STAC: variants seen among roughly 807,000 people sequenced by gnomAD.
The protein encoded by STAC is SH3 and cysteine rich domain, also known as SH3 and cysteine-rich domain-containing protein.
A neutral mutation model predicts 48.8 loss-of-function variants in STAC; 43 were observed. The ratio of observed to expected loss-of-function variants is 0.88; its 90% confidence interval spans 0.69 to 1.14. STAC has a LOEUF of 1.14. Among genes scored for constraint, STAC ranks in the 50% most tolerant of loss-of-function variants. STAC has a pLI of 0.00. For synonymous variants in STAC, 193 were observed against 179.5 expected (o/e 1.07, Z -0.60); for missense variants, 497 against 504.0 (o/e 0.99, Z 0.13).
chr3:36,498,905 TA>T lies in STAC; in HGVS notation c.767-5484del, dbSNP rs1698217751. Among the ~76,000 whole-genome samples, 3 of 152,200 alleles carry T rather than the reference TA, an allele frequency of 2.0e-5. No individual in the cohort carries two copies. The South Asian group carries it at 6.2e-4, about 32-fold the overall frequency. On this transcript the variant is annotated intron_variant, in intron 6 of 10. Transcript: ENST00000273183. ...TGCTGAAACTGCAGAATTTCAAAGA[TA>T]AAAGAAAACATAAAATGCAGTATAA...
At chr3:36,503,775 C>A (rs1698333644) in intron 6 of STAC, among the ~76,000 whole-genome samples, 1 of 152,038 alleles carries the variant, frequency 6.6e-6, no homozygotes, top group South Asian at 2.1e-4. Flanking sequence ...TCAAAGGCTA[C>A]AGAGTGGATA....
At chr3:36,388,455 AT>A (rs1212497597) in intron 1 of STAC, among the ~76,000 whole-genome samples, 1 of 151,890 alleles carries the variant, frequency 6.6e-6, no homozygotes, top group East Asian at 1.9e-4. Flanking sequence ...ATTCTATTAC[AT>A]TTTCAATGTA....
At chr3:36,383,143 G>T (rs1309498199) in intron 1 of STAC, among the ~76,000 whole-genome samples, 5 of 152,236 alleles carry the variant, frequency 3.3e-5, no homozygotes, top group South Asian at 4.2e-4. Context: ...ATAAAACTTT[G>T]ATCTATATCT....
chr3:36,466,019 T>C (rs186604602), intron 2 of STAC, among the ~76,000 whole-genome samples: 29 of 152,292 alleles, frequency 1.9e-4, no homozygotes, highest in Admixed American at 7.8e-4. Flanking sequence ...ATCATAAATA[T>C]TTATGGTTTC....
chr3:36,397,533 AC>A (rs2125622339), intron 1 of STAC, among the ~76,000 whole-genome samples: 1 of 152,342 alleles, frequency 6.6e-6, no homozygotes, highest in Non-Finnish European at 1.5e-5. Flanking sequence ...GTTGCATGAG[AC>A]CAAAAAAATA....
chr3:36,464,745 C>T (rs1032804242), intron 2 of STAC, among the ~76,000 whole-genome samples: 7 of 151,998 alleles, frequency 4.6e-5, no homozygotes, highest in Admixed American at 3.9e-4. Flanking sequence ...CAATAGTCTC[C>T]GATTCCATCC....
chr3:36,490,532 G>A (rs967521709), intron 5 of STAC, among the ~76,000 whole-genome samples: 2 of 152,164 alleles, frequency 1.3e-5, no homozygotes, highest in African/African-American at 2.4e-5. Flanking sequence ...TTCCATGCTT[G>A]TGGGAGGCTG....
chr3:36,519,207 A>G (rs1698743590), intron 8 of STAC, among the ~76,000 whole-genome samples: 1 of 152,228 alleles, frequency 6.6e-6, no homozygotes. Flanking sequence ...GAGGTGGTGA[A>G]AATTCATGGC....
chr3:36,478,843 TAACTCCTGGCCTCA>T (rs1312225000), intron 2 of STAC, among the ~76,000 whole-genome samples: 1 of 152,140 alleles, frequency 6.6e-6, no homozygotes, highest in East Asian at 1.9e-4. Context: ...GACTGGTCTC[TAACTCCTGGCCTCA>T]AACTCCTGGC....
chr3:36,455,563 A>T (rs533265698), intron 2 of STAC, among the ~76,000 whole-genome samples: 75 of 152,340 alleles, frequency 4.9e-4, no homozygotes, highest in Admixed American at 1.3e-3. Context: ...CACAAAGAAG[A>T]TGGAGACCAG....
At chr3:36,542,793 C>A (rs1229275728) in intron 10 of STAC, among the ~76,000 whole-genome samples, 1 of 152,226 alleles carries the variant, frequency 6.6e-6, no homozygotes, top group Non-Finnish European at 1.5e-5. Flanking sequence ...TTGTTGATTT[C>A]TCAATAAATG....
intron 1 of STAC, among the ~76,000 whole-genome samples, chr3:36,398,596 G>A (rs2125624466): frequency 1.3e-5 from 1 of 76,024 alleles, no homozygotes; most frequent in Non-Finnish European, 2.4e-5. Flanking sequence ...AAGGAAGGAA[G>A]GAAGAAAGGA....
chr3:36,505,853 G>GA lies in STAC; in HGVS notation c.920+27dup, dbSNP rs781123039. 7.3e-5 allele frequency: 111 copies of GA among 1,523,170 alleles called. No individual in the cohort carries two copies. The highest frequency in any genetic ancestry group is 6.6e-4 in the African/African-American group (47 of 71,374). The allele number at this position is 1,523,170 out of a possible 1,614,324, so 94.4% of individuals were successfully genotyped here. A position where few individuals can be genotyped will look rare whatever the true frequency, so the allele number is the denominator to read the frequency against. ...AAATGAGGTAAAAACCTTCTGTAAA[G>GA]AAAAAAAAGAGTAAAATTTTAAAGT... On this transcript the variant is annotated intron_variant, in intron 8 of 10. Coordinates refer to ENST00000273183, the MANE Select transcript of STAC (RefSeq NM_003149.3).
Position 36,528,724 on chromosome 3 carries a change from G to A in STAC, c.949G>A (p.Asp317Asn), listed in dbSNP as rs1031736053. 8 of 1,604,932 alleles carry A rather than the reference G, an allele frequency of 5.0e-6. No individual in the cohort carries two copies. The African/African-American group carries it at 5.4e-5, about 11-fold the overall frequency. Residue 317 changes from aspartate to asparagine, a missense_variant, in exon 9 of 11, where the codon GAT becomes AAT. Coordinates refer to ENST00000273183, the MANE Select transcript of STAC (RefSeq NM_003149.3). ...RPGDIITLLE[D>N]SNEDWWKGKI... ...AGGAGACATAATTACTCTTTTAGAG[G>A]ATTCCAATGAAGACTGGTGGAAAGT...
Position 36,443,967 on chromosome 3 carries a change from G to A in STAC, c.388+327G>A, listed in dbSNP as rs1163718395. 6.6e-6 allele frequency among the ~76,000 whole-genome samples: 1 copy of A among 152,106 alleles called. No homozygotes were observed. Among genetic ancestry groups the A allele is most frequent in the Non-Finnish European group, 1.5e-5 (1 of 68,030 alleles). ...CCTGCATCAGCCTGTCACTGTATAT[G>A]GGCAACAAGTGAGACCTGGAATGCT... On this transcript the variant is annotated intron_variant, in intron 2 of 10. Transcript: ENST00000273183. The surrounding 1 kb of genome is among the most constrained non-coding windows in gnomAD (Gnocchi z 4.2).
chr3:36,481,353 A>G (rs1343109553), intron 2 of STAC, among the ~76,000 whole-genome samples: 1 of 152,194 alleles, frequency 6.6e-6, no homozygotes, highest in Non-Finnish European at 1.5e-5. Context: ...CAAGAAATAG[A>G]GATGATTTGA....
At chr3:36,409,325 C>T (rs184415363) in intron 1 of STAC, among the ~76,000 whole-genome samples, 2 of 152,208 alleles carry the variant, frequency 1.3e-5, no homozygotes, top group East Asian at 3.9e-4. Context: ...CAGAGTAGTC[C>T]AAATCAGAAT....
intron 3 of STAC, among the ~76,000 whole-genome samples, chr3:36,483,709 T>C (rs1054888064): frequency 1.3e-5 from 2 of 152,246 alleles, no homozygotes; most frequent in Non-Finnish European, 2.9e-5. Flanking sequence ...TCCCAACACT[T>C]TGGACACCAA....
At chr3:36,430,845 CTT>C (rs1465287829) in intron 1 of STAC, among the ~76,000 whole-genome samples, 1 of 152,194 alleles carries the variant, frequency 6.6e-6, no homozygotes, top group Non-Finnish European at 1.5e-5. Flanking sequence ...CAAATTTCCT[CTT>C]CTTACAAGGA....
Sources: gnomAD v4.1 joint callset for allele counts (sites outside exome capture counted in the v4.1 genomes callset) on GRCh38, gnomAD v4.1.1 for gene constraint, Gnocchi (gnomAD v3.1) non-coding constraint, MANE v1.5 for transcripts, NCBI Gene and HGNC (gene_info 2026-07-23, HGNC 2026-07-21) for gene names.